The following RBM19 variants were observed in gnomAD, a reference collection of about 807,000 sequenced individuals.
RBM19 encodes the protein probable RNA-binding protein 19.
A neutral mutation model predicts 116.8 loss-of-function variants in RBM19; 94 were observed. The ratio of observed to expected loss-of-function variants is 0.80; its 90% CI spans 0.68 to 0.95. The LOEUF is 0.95. Among genes scored for constraint, RBM19 ranks in the 40% least tolerant of loss-of-function variants. RBM19 has a pLI of 0.00. For missense variants in RBM19, 1,161 were observed against 1,220.7 expected (o/e 0.95, Z 0.73); for synonymous variants, 475 against 494.1 (o/e 0.96, Z 0.51).
At chr12:113,857,207 C>T (rs778609526) in intron 22 of RBM19, among the ~76,000 whole-genome samples, 2 of 152,246 alleles carry the variant, frequency 1.3e-5, no homozygotes, top group Non-Finnish European at 2.9e-5. Flanking sequence ...CCTGTACTCT[C>T]TTCTATCCAC....
At chr12:113,933,717 G>A (rs902461313) in intron 16 of RBM19, among the ~76,000 whole-genome samples, 8 of 152,194 alleles carry the variant, frequency 5.3e-5, no homozygotes, top group Admixed American at 2.0e-4. Context: ...TGCTATCTCC[G>A]TGATGCACCC....
chr12:113,938,552 T>C (rs1224369181), intron 15 of RBM19, among the ~76,000 whole-genome samples: 1 of 152,196 alleles, frequency 6.6e-6, no homozygotes, highest in Non-Finnish European at 1.5e-5. Flanking sequence ...AAAATACTTG[T>C]AGTGGCACCG....
At chr12:113,925,598 C>A (rs1417388936) in intron 17 of RBM19, among the ~76,000 whole-genome samples, 3 of 152,196 alleles carry the variant, frequency 2.0e-5, no homozygotes, top group African/African-American at 7.2e-5. Context: ...GGTGCTGAGA[C>A]AGGAGCCCTG....
intron 1 of RBM19, among the ~76,000 whole-genome samples, chr12:113,963,129 G>A (rs765861100): frequency 6.6e-6 from 1 of 152,224 alleles, no homozygotes; most frequent in Non-Finnish European, 1.5e-5. Flanking sequence ...CAGAAGGACT[G>A]CAGCCCTGCC....
At chr12:113,908,744 CTG>C (rs1285203051) in intron 21 of RBM19, among the ~76,000 whole-genome samples, 86 of 152,270 alleles carry the variant, frequency 5.6e-4, no homozygotes, top group African/African-American at 2.0e-3. Context: ...TTGTGCTGGT[CTG>C]TGTGACCAGC....
At chr12:113,963,419 C>A (rs910816600) in intron 1 of RBM19, among the ~76,000 whole-genome samples, 1 of 152,110 alleles carries the variant, frequency 6.6e-6, no homozygotes, top group Non-Finnish European at 1.5e-5. Context: ...CAGGGCCCCA[C>A]GAACAGCCAA....
Position 113,862,987 on chromosome 12 carries a change from T to C in RBM19, c.2559-4091A>G, listed in dbSNP as rs116778305. 8.3e-3 allele frequency among the ~76,000 whole-genome samples: 1,267 copies of C among 151,840 alleles called. 25 individuals carry two copies. Among genetic ancestry groups the C allele is most frequent in the African/African-American group, 0.027 (1,136 of 41,452 alleles). On this transcript the variant is annotated intron_variant, in intron 21 of 23. Transcript: ENST00000261741. ...CCCCTCTGCCATGCCAGGAACATGA[T>C]TGGTGGTGGGTTTGTGGGTTTTCCA...
At chr12:113,821,490 G>A (rs1227962314), downstream of RBM19, among the ~76,000 whole-genome samples, 4 of 152,170 alleles carry the variant, frequency 2.6e-5, no homozygotes, top group African/African-American at 4.8e-5. Flanking sequence ...CTGTCATTCC[G>A]CATGACCTAC....
downstream of RBM19, chr12:113,818,325 G>GC (rs2135667049): frequency 6.6e-6 from 1 of 152,262 alleles, no homozygotes; most frequent in East Asian, 1.9e-4. Context: ...ACAACCATTG[G>GC]CCCATTTGGG....
intron 16 of RBM19, among the ~76,000 whole-genome samples, chr12:113,935,181 C>A (rs755648609): frequency 1.3e-5 from 2 of 152,158 alleles, no homozygotes; most frequent in African/African-American, 4.8e-5. Flanking sequence ...TTGGGAGCCA[C>A]CACGTGTCCC....
At chr12:113,856,697 T>G (rs1877929240) in intron 22 of RBM19, among the ~76,000 whole-genome samples, 1 of 152,162 alleles carries the variant, frequency 6.6e-6, no homozygotes, top group Non-Finnish European at 1.5e-5. Flanking sequence ...AGAGGCCCAG[T>G]GGGTGGCCAA....
At chr12:113,886,673 T>TTTTTGC (rs1267172132) in intron 21 of RBM19, among the ~76,000 whole-genome samples, 2 of 131,526 alleles carry the variant, frequency 1.5e-5, no homozygotes, top group African/African-American at 5.6e-5. Context: ...TTTTGTTTTG[T>TTTTTGC]TTTTGCTTTT....
At chr12:113,949,355 A>C (rs1871296990) in intron 9 of RBM19, among the ~76,000 whole-genome samples, 1 of 152,128 alleles carries the variant, frequency 6.6e-6, no homozygotes, top group African/African-American at 2.4e-5. Context: ...CTGCCTTGGG[A>C]AGGGTCTTAG....
chr12:113,890,487 C>T (rs1016358806), intron 21 of RBM19, among the ~76,000 whole-genome samples: 4 of 152,088 alleles, frequency 2.6e-5, no homozygotes, highest in Non-Finnish European at 5.9e-5. Context: ...ACCGGCAGCT[C>T]GATAATAACT....
At chr12:113,856,736 C>T (rs944537536) in intron 22 of RBM19, among the ~76,000 whole-genome samples, 1 of 152,202 alleles carries the variant, frequency 6.6e-6, no homozygotes, top group Non-Finnish European at 1.5e-5. Context: ...TTTCTTATTT[C>T]AGACCATCAC....
At chr12:113,934,503 TCA>T (rs201313196) in intron 16 of RBM19, among the ~76,000 whole-genome samples, 2 of 152,192 alleles carry the variant, frequency 1.3e-5, no homozygotes, top group East Asian at 3.9e-4. Flanking sequence ...TTGGGTTCAC[TCA>T]CACACACTTC....
intron 21 of RBM19, among the ~76,000 whole-genome samples, chr12:113,907,576 C>G (rs1172081088): frequency 6.6e-6 from 1 of 152,200 alleles, no homozygotes; most frequent in Non-Finnish European, 1.5e-5. Flanking sequence ...TGACCCGGTC[C>G]TCGCGGCCAG....
In RBM19 at chr12:113,822,613, G is replaced by C. The variant is rs1874502574; in HGVS notation, c.*611C>G. 6.5e-6 allele frequency: 1 copy of C among 152,694 alleles called. No homozygotes were observed. Among genetic ancestry groups the C allele is most frequent in the Non-Finnish European group, 1.5e-5 (1 of 68,476 alleles). The allele number at this position is 152,694 out of a possible 1,614,324, so 9.5% of individuals were successfully genotyped here. A position where few individuals can be genotyped will look rare whatever the true frequency, so the allele number is the denominator to read the frequency against. On this transcript the variant is annotated 3_prime_UTR_variant, in exon 24 of 24. Transcript: ENST00000261741. ...GTCCCAAGCCGTGAACAGTCCCTTG[G>C]AAAGACATAGGTGGGAATTCTAGCT...
At chr12:113,949,096 G>A in intron 9 of RBM19, 60 bp from the exon 10 acceptor site, 1 of 1,454,666 alleles carries the variant, frequency 6.9e-7, no homozygotes, top group East Asian at 2.3e-5. Context: ...GCAACTCCTT[G>A]CTGGTGACTC....
Sources: allele counts gnomAD v4.1 joint callset (sites outside exome capture counted in the v4.1 genomes callset), GRCh38; gene constraint gnomAD v4.1.1; transcripts MANE v1.5; gene names NCBI Gene and HGNC (gene_info 2026-07-23, HGNC 2026-07-21).